Variants in MGST1 observed in about 807,000 individuals in gnomAD.
MGST1 encodes the protein microsomal glutathione S-transferase 1.
In MGST1, 5 loss-of-function variants were observed where a neutral mutation model predicts 8.9. The observed-to-expected ratio is 0.56, with a 90% CI of 0.29 to 1.19. MGST1 has a LOEUF of 1.19. MGST1 is among the 50% of genes most tolerant of loss of function. The pLI is 0.08. For synonymous variants in MGST1, 54 were observed against 67.8 expected, an observed-to-expected ratio of 0.80 and a Z score of 1.00; for missense variants, 182 against 187.4, an observed-to-expected ratio of 0.97 and a Z score of 0.17.
intron 1 of MGST1, among the ~76,000 whole-genome samples, chr12:16,396,710 T>G: frequency 6.6e-6 from 1 of 151,978 alleles, no homozygotes; most frequent in Non-Finnish European, 1.5e-5. Context: ...TAAAAAATAC[T>G]TAGGAATATA....
chr12:16,390,665 C>G lies in MGST1; in HGVS notation n.778+7061C>G, dbSNP rs143537446. 5.0e-3 allele frequency among the ~76,000 whole-genome samples: 768 copies of G among 152,152 alleles called. 5 individuals are homozygous for G. In the Middle Eastern group the frequency reaches 0.051, roughly 10 times the overall value. On this transcript the variant is annotated intron_variant and non_coding_transcript_variant, in intron 1 of 1. Coordinates refer to the MGST1 transcript ENST00000359720. ...CTTTTTATGGCTACATAATGTACATCATTCCATGGTGTATATGTACACATT... is the reference window on the plus strand; with the variant it reads ...CTTTTTATGGCTACATAATGTACATGATTCCATGGTGTATATGTACACATT...
chr12:16,574,763 T>C (rs1233371618), intron 4 of MGST1, among the ~76,000 whole-genome samples: 1 of 152,166 alleles, frequency 6.6e-6, no homozygotes, highest in Non-Finnish European at 1.5e-5. Context: ...AAATCTGTAA[T>C]AGAAAAATTA....
intron 1 of MGST1, among the ~76,000 whole-genome samples, chr12:16,432,416 C>T (rs927958856): frequency 2.6e-5 from 4 of 151,886 alleles, no homozygotes; most frequent in African/African-American, 7.3e-5. Flanking sequence ...TGAGTGAGTA[C>T]TTATGGTCAG....
At chr12:16,391,661 A>G (rs1940554245) in intron 1 of MGST1, among the ~76,000 whole-genome samples, 1 of 152,204 alleles carries the variant, frequency 6.6e-6, no homozygotes. Flanking sequence ...TCAGATGCAT[A>G]GTTTGCAAAT....
chr12:16,421,059 C>T (rs577780566), intron 1 of MGST1, among the ~76,000 whole-genome samples: 1 of 152,238 alleles, frequency 6.6e-6, no homozygotes, highest in East Asian at 1.9e-4. Flanking sequence ...ACATTTTCCC[C>T]ATCCTTGGCG....
At chr12:16,574,000 C>T (rs943420327) in intron 4 of MGST1, 1 of 152,140 alleles carries the variant, frequency 6.6e-6, no homozygotes, top group Admixed American at 6.5e-5. Flanking sequence ...AGCATTACTC[C>T]ACTGCCTAAT....
chr12:16,566,304 A>G (rs180981212), intron 4 of MGST1, among the ~76,000 whole-genome samples: 72 of 151,928 alleles, frequency 4.7e-4, no homozygotes, highest in Non-Finnish European at 9.6e-4. Context: ...AATGACAGTT[A>G]AGAGAAATAA....
intron 4 of MGST1, among the ~76,000 whole-genome samples, chr12:16,530,107 A>G (rs949159226): frequency 1.3e-5 from 2 of 152,126 alleles, no homozygotes; most frequent in Non-Finnish European, 2.9e-5. Flanking sequence ...TCACTTTTCA[A>G]GCTTTAAAAA....
At chr12:16,456,160 T>A (rs895671909) in intron 4 of MGST1, among the ~76,000 whole-genome samples, 1 of 151,844 alleles carries the variant, frequency 6.6e-6, no homozygotes, top group Non-Finnish European at 1.5e-5. Context: ...AATAAAAAAA[T>A]TAAAAACCTG....
At chr12:16,488,816 A>G (rs1467983937) in intron 4 of MGST1, among the ~76,000 whole-genome samples, 1 of 152,182 alleles carries the variant, frequency 6.6e-6, no homozygotes, top group Non-Finnish European at 1.5e-5. Flanking sequence ...AAATGGACAC[A>G]AAACAGGTGG....
intron 1 of MGST1, among the ~76,000 whole-genome samples, chr12:16,418,382 C>T (rs369509951): frequency 6.6e-6 from 1 of 152,158 alleles, no homozygotes; most frequent in East Asian, 1.9e-4. Flanking sequence ...AAAAAACATC[C>T]GAAGGTAAAG....
chr12:16,377,115 T>C (rs1402455517), exon 4 of MGST1: 3 of 152,170 alleles, frequency 2.0e-5, no homozygotes, highest in African/African-American at 7.2e-5. Flanking sequence ...TATTGCACTT[T>C]TCAAATACTC....
chr12:16,373,610 A>T (rs1347088860), intron 3 of MGST1, among the ~76,000 whole-genome samples: 5 of 152,070 alleles, frequency 3.3e-5, no homozygotes, highest in African/African-American at 9.7e-5. Context: ...GGCCTTTTAC[A>T]AAGTTTGTCA....
chr12:16,512,023 A>G (rs536113012), intron 4 of MGST1, among the ~76,000 whole-genome samples: 2 of 152,336 alleles, frequency 1.3e-5, no homozygotes, highest in East Asian at 1.9e-4. Context: ...AATTAGAGCT[A>G]GTTGGATTTC....
At chr12:16,530,964 T>C (rs1941718948) in intron 4 of MGST1, among the ~76,000 whole-genome samples, 1 of 151,990 alleles carries the variant, frequency 6.6e-6, no homozygotes, top group Non-Finnish European at 1.5e-5. Flanking sequence ...AGAAATGTCT[T>C]GAAGCATCTT....
At chr12:16,354,095 C>CA in intron 1 of MGST1, 136 bp from the exon 2 acceptor site, 2 of 684,052 alleles carry the variant, frequency 2.9e-6, no homozygotes, top group Non-Finnish European at 4.6e-6. Flanking sequence ...ACTAAACAAT[C>CA]ATTTCTTCTG....
chr12:16,558,594 T>A (rs1942276638), intron 4 of MGST1, among the ~76,000 whole-genome samples: 2 of 152,120 alleles, frequency 1.3e-5, no homozygotes, highest in South Asian at 4.1e-4. Flanking sequence ...TTCGTCTAAA[T>A]GTTACCCTAG....
intron 4 of MGST1, among the ~76,000 whole-genome samples, chr12:16,579,143 A>T (rs1339169268): frequency 6.6e-6 from 1 of 152,136 alleles, no homozygotes; most frequent in Non-Finnish European, 1.5e-5. Context: ...TTTGAAGAGA[A>T]CAACATGTTT....
chr12:16,556,953 T>C (rs1049063789), intron 4 of MGST1, among the ~76,000 whole-genome samples: 3 of 152,192 alleles, frequency 2.0e-5, no homozygotes, highest in Non-Finnish European at 4.4e-5. Context: ...ACTTTAATAA[T>C]GATACTAGAA....
Sources: allele counts gnomAD v4.1 joint callset (sites outside exome capture counted in the v4.1 genomes callset), GRCh38; gene constraint gnomAD v4.1.1; transcripts MANE v1.5; gene names NCBI Gene and HGNC (gene_info 2026-07-23, HGNC 2026-07-21).